The following PTPRN2 variants were observed in gnomAD, a reference collection of about 807,000 sequenced individuals.
PTPRN2 encodes the protein receptor-type tyrosine-protein phosphatase N2.
Under a neutral mutation model 118.8 loss-of-function variants are expected in PTPRN2, and 74 were observed. The observed-to-expected ratio is 0.62, with a 90% CI of 0.52 to 0.76. The LOEUF (loss-of-function observed/expected upper bound fraction) is 0.76, where lower values mean the gene tolerates loss of function less well. Ranked by LOEUF, PTPRN2 falls within the 30% of genes least tolerant of loss-of-function variation. The pLI is 0.00. For missense variants in PTPRN2, 1,481 were observed against 1,394.4 expected (o/e 1.06, Z -0.99); for synonymous variants, 641 against 608.0 (o/e 1.05, Z -0.80).
At chr7:158,112,809 G>C (rs951162126) in intron 9 of PTPRN2, among the ~76,000 whole-genome samples, 2 of 151,698 alleles carry the variant, frequency 1.3e-5, no homozygotes, top group Non-Finnish European at 2.9e-5. Flanking sequence ...GCCCAGGCTG[G>C]GTACTGAGGG....
At chr7:158,460,342 T>C (rs1818889362) in intron 2 of PTPRN2, among the ~76,000 whole-genome samples, 2 of 40,472 alleles carry the variant, frequency 4.9e-5, no homozygotes, top group Admixed American at 4.2e-4. Flanking sequence ...AGGAGGGTCA[T>C]TCAACTGTAG....
chr7:157,766,610 G>A (rs746454923), intron 12 of PTPRN2, among the ~76,000 whole-genome samples: 4 of 152,346 alleles, frequency 2.6e-5, no homozygotes, highest in South Asian at 4.1e-4. Flanking sequence ...GTGTTTGGAT[G>A]ACTTGGGTGT....
At chr7:158,012,667 A>G (rs1806136006) in intron 11 of PTPRN2, among the ~76,000 whole-genome samples, 1 of 152,204 alleles carries the variant, frequency 6.6e-6, no homozygotes, top group African/African-American at 2.4e-5. Context: ...GGACTCATCC[A>G]TGAAGCCCTC....
intron 21 of PTPRN2, among the ~76,000 whole-genome samples, chr7:157,551,169 G>A (rs1344746783): frequency 6.6e-6 from 1 of 152,116 alleles, no homozygotes; most frequent in Non-Finnish European, 1.5e-5. Flanking sequence ...CATGGAGAGC[G>A]CCAGGTTAGT....
chr7:157,995,285 A>G (rs1337281624), intron 11 of PTPRN2, among the ~76,000 whole-genome samples: 4 of 147,468 alleles, frequency 2.7e-5, no homozygotes, highest in African/African-American at 7.6e-5. Flanking sequence ...CCTAAAATCA[A>G]CGCCGCATCC....
intron 6 of PTPRN2, among the ~76,000 whole-genome samples, chr7:158,141,059 G>C (rs115526957): frequency 0.064 from 9,664 of 151,884 alleles, 313 homozygotes; most frequent in South Asian, 0.12. Flanking sequence ...GGGGGGTCCC[G>C]CTGCCACCCT....
At chr7:158,432,001 A>G (rs2129429582) in intron 2 of PTPRN2, among the ~76,000 whole-genome samples, 1 of 152,360 alleles carries the variant, frequency 6.6e-6, no homozygotes, top group South Asian at 2.1e-4. Flanking sequence ...ATTCTCGTCC[A>G]GCATCCTCAG....
intron 5 of PTPRN2, among the ~76,000 whole-genome samples, chr7:158,185,530 C>A (rs1472167318): frequency 6.6e-6 from 1 of 152,176 alleles, no homozygotes; most frequent in Non-Finnish European, 1.5e-5. Context: ...GTATTTGAAG[C>A]TCTGAAATTG....
chr7:158,058,485 G>A (rs1254257265), intron 11 of PTPRN2, among the ~76,000 whole-genome samples: 3 of 75,044 alleles, frequency 4.0e-5, no homozygotes, highest in African/African-American at 2.0e-4. Flanking sequence ...ACGCATCACT[G>A]CAGCCACACT....
At position 157,977,741 on chromosome 7, in the gene PTPRN2, C is replaced by A. The variant is rs1050544223; in HGVS notation, c.1724-79004G>T. ...GGCGGGAGGAAGTGAGAGGTAGGAT[C>A]TGGTACCATCTCGAGAGGCTGCAGC... On this transcript the variant is annotated intron_variant, in intron 11 of 22. Coordinates refer to ENST00000389418, the MANE Select transcript of PTPRN2 (RefSeq NM_002847.5). The surrounding 1 kb of genome is among the most constrained non-coding windows in gnomAD (Gnocchi z 4.6). Among the ~76,000 whole-genome samples, 1 of 151,802 alleles carries A rather than the reference C, an allele frequency of 6.6e-6. No homozygotes were observed. Among genetic ancestry groups the A allele is most frequent in the Non-Finnish European group, 1.5e-5 (1 of 67,898 alleles).
intron 12 of PTPRN2, among the ~76,000 whole-genome samples, chr7:157,830,998 A>G (rs993587749): frequency 1.3e-5 from 2 of 152,218 alleles, no homozygotes; most frequent in Admixed American, 6.5e-5. Flanking sequence ...CCATCCAGAC[A>G]CACAGGTAAA....
intron 11 of PTPRN2, among the ~76,000 whole-genome samples, chr7:157,908,028 C>G (rs763167673): frequency 2.6e-5 from 4 of 152,238 alleles, no homozygotes; most frequent in Non-Finnish European, 5.9e-5. Context: ...AGCCGCAGAG[C>G]CGCCTTTATT....
chr7:157,887,672 T>C (rs1301806589), intron 12 of PTPRN2, among the ~76,000 whole-genome samples: 3 of 912 alleles, frequency 3.3e-3, no homozygotes, highest in East Asian at 0.036. Flanking sequence ...AGTACCCACT[T>C]CCCCCAGTAC....
At chr7:157,989,262 A>G (rs1486328771) in intron 11 of PTPRN2, among the ~76,000 whole-genome samples, 1 of 152,124 alleles carries the variant, frequency 6.6e-6, no homozygotes, top group African/African-American at 2.4e-5. Flanking sequence ...TACTAAAAAT[A>G]TAAAAGTTAA....
chr7:158,459,546 T>C (rs1366645188), intron 2 of PTPRN2, among the ~76,000 whole-genome samples: 1 of 152,112 alleles, frequency 6.6e-6, no homozygotes, highest in South Asian at 2.1e-4. Context: ...TCAGTCCAAA[T>C]GTCATAGCTT....
intron 10 of PTPRN2, among the ~76,000 whole-genome samples, chr7:158,110,033 G>A (rs62480204): frequency 0.47 from 49,368 of 105,994 alleles, 8,207 homozygotes; most frequent in Admixed American, 0.56. Context: ...GATGTCACCC[G>A]TGTGAAGGGG....
intron 2 of PTPRN2, among the ~76,000 whole-genome samples, chr7:158,333,622 C>G (rs1309662392): frequency 6.6e-6 from 1 of 151,198 alleles, no homozygotes; most frequent in African/African-American, 2.5e-5. Context: ...TAAGAGGTGA[C>G]ACCTACAGAC....
intron 12 of PTPRN2, among the ~76,000 whole-genome samples, chr7:157,738,703 GA>G (rs1476468130): frequency 1.3e-5 from 2 of 152,206 alleles, no homozygotes; most frequent in African/African-American, 2.4e-5. Flanking sequence ...GTTGTTTCTG[GA>G]TACGTGCTTG....
chr7:158,113,867 C>T lies in PTPRN2; in HGVS notation c.1557-2952G>A, dbSNP rs147634295. 5.1e-3 allele frequency among the ~76,000 whole-genome samples: 783 copies of T among 152,246 alleles called. 3 individuals carry two copies. The highest frequency in any genetic ancestry group is 0.018 in the African/African-American group (754 of 41,564). The stretch of plus-strand genomic sequence containing the variant: ...TAGCAATCCGGGACCAGCTGGGGCA[C>T]AGGCCGCCTTCCACTCAGGGAGGAG... On this transcript the variant is annotated intron_variant, in intron 9 of 22. Transcript: ENST00000389418.
Sources: gnomAD v4.1 joint callset for allele counts (sites outside exome capture counted in the v4.1 genomes callset) on GRCh38, gnomAD v4.1.1 for gene constraint, Gnocchi (gnomAD v3.1) non-coding constraint, MANE v1.5 for transcripts, NCBI Gene and HGNC (gene_info 2026-07-23, HGNC 2026-07-21) for gene names.